FMR1: variants seen among roughly 807,000 people sequenced by gnomAD.
FMR1 encodes fragile X messenger ribonucleoprotein 1, also known as FMRP translational regulator 1.
In FMR1, 13 loss-of-function variants were observed where a neutral mutation model predicts 50.6. That is an observed-to-expected ratio of 0.26 (90% CI 0.17 to 0.41). The LOEUF (loss-of-function observed/expected upper bound fraction) is 0.41, where lower values mean the gene tolerates loss of function less well. Ranked by LOEUF, FMR1 falls within the 10% of genes least tolerant of loss-of-function variation. The probability of loss-of-function intolerance (pLI) is 1.00; values close to 1 mark genes in which losing one functional copy is unlikely to be tolerated. For synonymous variants in FMR1, 138 were observed against 164.1 expected (o/e 0.84, Z 1.22); for missense variants, 316 against 491.3 (o/e 0.64, Z 3.37).
chrX:147,934,054 G>A (rs962345117), intron 9 of FMR1, among the ~76,000 whole-genome samples: 1 of 112,274 alleles, frequency 8.9e-6, no homozygotes, highest in African/African-American at 3.2e-5. Flanking sequence ...TATGCATAGC[G>A]CAAGATAAAG....
intron 1 of FMR1, among the ~76,000 whole-genome samples, chrX:147,916,762 A>G (rs1212158887): frequency 9.2e-6 from 1 of 108,466 alleles, no homozygotes; most frequent in African/African-American, 3.4e-5. Context: ...GTTTCTTTCA[A>G]CAGGTCTCAC....
At position 147,944,938 on chromosome X, in the gene FMR1, C is replaced by CAT. The variant is rs1557181599; in HGVS notation, c.1542_1543dup (p.Leu515TyrfsTer2). On this transcript the variant is annotated frameshift_variant, in exon 15 of 17. Transcript: ENST00000370475. LOFTEE classifies it high-confidence loss of function. ...CACAGAGACGAACTCAGTGATTGGT[C>CAT]ATTAGCTCCAACAGAGGAAGAGAGG... The CAT allele has an allele frequency of 8.3e-7, 1 of 1,207,963 alleles. No homozygotes were observed.
intron 2 of FMR1, 62 bp from the exon 3 acceptor site, chrX:147,925,477 TG>T (rs2124491057): frequency 1.2e-6 from 1 of 831,515 alleles, no homozygotes; most frequent in Non-Finnish European, 1.8e-6. Flanking sequence ...GATGGCAGAG[TG>T]GTCATTATTT....
chrX:147,917,615 T>A (rs1475434245), intron 1 of FMR1, among the ~76,000 whole-genome samples: 5 of 111,975 alleles, frequency 4.5e-5, no homozygotes, highest in African/African-American at 6.5e-5. Context: ...AAAGCTTTTT[T>A]AAAAAAAAGA....
intron 1 of FMR1, among the ~76,000 whole-genome samples, chrX:147,918,293 C>T (rs2042972057): frequency 2.7e-5 from 3 of 111,799 alleles, no homozygotes; most frequent in Admixed American, 1.9e-4. Context: ...GGTATTTGTC[C>T]TTCACGCGAG....
intron 13 of FMR1, among the ~76,000 whole-genome samples, chrX:147,942,531 A>G (rs1346822212): frequency 1.8e-5 from 2 of 112,524 alleles, no homozygotes; most frequent in Non-Finnish European, 3.7e-5. Context: ...CTGGTCAGCT[A>G]TTAAATAGTT....
At chrX:147,937,161 A>T (rs921062883) in intron 10 of FMR1, among the ~76,000 whole-genome samples, 2 of 111,480 alleles carry the variant, frequency 1.8e-5, no homozygotes, top group African/African-American at 6.5e-5. Context: ...AGCAGCTTTT[A>T]AAGTATTTGC....
At chrX:147,933,541 G>T (rs890481608) in intron 9 of FMR1, 1 of 905,153 alleles carries the variant, frequency 1.1e-6, no homozygotes, top group Non-Finnish European at 1.4e-6. Context: ...CATCACCATC[G>T]TGAGTATCAG....
intron 5 of FMR1, among the ~76,000 whole-genome samples, chrX:147,929,330 C>T (rs781961988): frequency 4.5e-5 from 5 of 111,275 alleles, no homozygotes; most frequent in South Asian, 3.7e-4. Flanking sequence ...GAATACAGTA[C>T]GTTTGATTTG....
chrX:147,932,478 T>A lies in FMR1; in HGVS notation c.684T>A (p.Asp228Glu), dbSNP rs1557178883. The change falls in exon 8 of 17, where the codon GAT becomes GAA. Residue 228 changes from aspartate to glutamate, a missense_variant. Physicochemically the swap from Asp to Glu is conservative, Grantham distance 45. Transcript: ENST00000370475. ...RFHEQFIVRE[D>E]LMGLAIGTHG... ...ATGAACAGTTTATCGTAAGAGAAGA[T>A]CTGATGGGTCTAGCTATTGGTACTC... 1.7e-6 allele frequency: 2 copies of A among 1,207,499 alleles called. No homozygotes were observed. Among genetic ancestry groups the A allele is most frequent in the Non-Finnish European group, 2.2e-6 (2 of 893,022 alleles).
chrX:147,930,695 A>G (rs2043561985), intron 7 of FMR1, among the ~76,000 whole-genome samples: 2 of 111,895 alleles, frequency 1.8e-5, no homozygotes, highest in South Asian at 7.4e-4. Flanking sequence ...CTATTTCCCT[A>G]ACTTACTATT....
intron 16 of FMR1, among the ~76,000 whole-genome samples, chrX:147,946,106 A>G (rs1428709907): frequency 9.1e-6 from 1 of 109,850 alleles, no homozygotes; most frequent in Non-Finnish European, 1.9e-5. Context: ...TGAACTCCCA[A>G]CCTCAGGTGA....
At chrX:147,920,890 T>C (rs2043128837) in intron 1 of FMR1, among the ~76,000 whole-genome samples, 1 of 111,171 alleles carries the variant, frequency 9.0e-6, no homozygotes, top group African/African-American at 3.3e-5. Context: ...AACTACAGAG[T>C]ATGGCACAAG....
chrX:147,937,329 CG>C (rs2043824879), intron 10 of FMR1, 136 bp from the exon 11 acceptor site: 2 of 465,731 alleles, frequency 4.3e-6, no homozygotes, highest in Non-Finnish European at 7.6e-6. Flanking sequence ...AATTTGTATT[CG>C]GTAATTTTAT....
chrX:147,912,262 C>T, intron 1 of FMR1, 32 bp downstream of exon 1: 1 of 1,134,982 alleles, frequency 8.8e-7, no homozygotes, highest in Non-Finnish European at 1.2e-6. Context: ...CCCATCTTCG[C>T]CCTTCCTTCC....
Position 147,943,099 on chromosome X carries a change from A to C in FMR1, c.1276-32A>C, listed in dbSNP as rs1557181243. 9.0e-6 allele frequency: 10 copies of C among 1,110,854 alleles called. No individual in the cohort carries two copies. The Middle Eastern group carries it at 7.6e-4, about 85-fold the overall frequency. The allele number at this position is 1,110,854 out of a possible 1,213,427, so 91.5% of individuals were successfully genotyped here. Reference sequence around the variant, plus strand: ...GTTTTATTAAGTAAAATGTCAAATTATTTTTACTGTTATCTTGTATATTTT... The same window carrying C: ...GTTTTATTAAGTAAAATGTCAAATTCTTTTTACTGTTATCTTGTATATTTT... On this transcript the variant is annotated intron_variant, in intron 13 of 16. Coordinates refer to ENST00000370475, the MANE Select transcript of FMR1 (RefSeq NM_002024.6).
chrX:147,947,722 A>T (rs1374807071), intron 16 of FMR1: 2 of 111,420 alleles, frequency 1.8e-5, no homozygotes, highest in Non-Finnish European at 3.8e-5. Flanking sequence ...AAAAAAAAAA[A>T]AAGATACAAA....
intron 14 of FMR1, 69 bp from the exon 15 acceptor site, chrX:147,944,800 G>A: frequency 9.0e-7 from 1 of 1,113,467 alleles, no homozygotes; most frequent in Non-Finnish European, 1.2e-6. Context: ...GTCTCTGGAA[G>A]CTTCTGTTAA....
chrX:147,940,341 C>CTAT (rs1333775939), intron 12 of FMR1: 3 of 378,945 alleles, frequency 7.9e-6, no homozygotes, highest in Non-Finnish European at 9.3e-6. Context: ...GAATACTAGT[C>CTAT]TTTATAATAA....
Sources: allele counts gnomAD v4.1 joint callset (sites outside exome capture counted in the v4.1 genomes callset), GRCh38; gene constraint gnomAD v4.1.1; transcripts MANE v1.5; gene names NCBI Gene and HGNC (gene_info 2026-07-23, HGNC 2026-07-21).